OR51B5: variants seen among roughly 807,000 people sequenced by gnomAD.
The protein encoded by OR51B5 is olfactory receptor family 51 subfamily B member 5, also known as olfactory receptor 51B5.
For missense variants in OR51B5, 456 were observed against 374.6 expected, an observed-to-expected ratio of 1.22 and a Z score of -1.79; for synonymous variants, 186 against 144.8, an observed-to-expected ratio of 1.28 and a Z score of -2.04.
chr11:5,346,382 T>C (rs1228405851), upstream of OR51B5: 4 of 151,880 alleles, frequency 2.6e-5, no homozygotes, highest in African/African-American at 9.7e-5. Context: ...AGAGAAGAGA[T>C]AAAAGCTGAG....
intron 1 of OR51B5, among the ~76,000 whole-genome samples, chr11:5,359,901 C>G (rs1000026548): frequency 3.9e-5 from 6 of 152,144 alleles, no homozygotes; most frequent in African/African-American, 1.4e-4. Flanking sequence ...GGAAAGGATT[C>G]CCTATTTAAT....
At chr11:5,387,886 C>G (rs558355350) in intron 1 of OR51B5, among the ~76,000 whole-genome samples, 18 of 151,288 alleles carry the variant, frequency 1.2e-4, no homozygotes, top group African/African-American at 4.3e-4. Flanking sequence ...CATTACATTA[C>G]CTTGCATTGC....
rs573710822 is a variant in OR51B5, at chr11:5,378,222, A to G, written n.85-31312T>C. On this transcript the variant is annotated intron_variant and non_coding_transcript_variant, in intron 1 of 4. Transcript: ENST00000415970. The stretch of plus-strand genomic sequence containing the variant: ...ACAAGAAATGGGGAAAGGATTCCCT[A>G]TTTAATAAATGGTGCTGGGAGAACT... 5.3e-5 allele frequency among the ~76,000 whole-genome samples: 8 copies of G among 152,194 alleles called. No homozygotes were observed. The East Asian group carries it at 9.6e-4, about 18-fold the overall frequency.
chr11:5,498,362 A>G (rs574241364), intron 1 of OR51B5, among the ~76,000 whole-genome samples: 2 of 152,310 alleles, frequency 1.3e-5, no homozygotes, highest in South Asian at 4.1e-4. Flanking sequence ...ATTAGCCAGG[A>G]TGTCCCTAAC....
At chr11:5,428,483 C>T (rs1850482854) in intron 1 of OR51B5, among the ~76,000 whole-genome samples, 1 of 152,162 alleles carries the variant, frequency 6.6e-6, no homozygotes, top group Non-Finnish European at 1.5e-5. Flanking sequence ...TACAAACCTT[C>T]AATTTGTAAA....
chr11:5,354,156 G>T (rs1849149825), intron 1 of OR51B5, among the ~76,000 whole-genome samples: 1 of 149,710 alleles, frequency 6.7e-6, no homozygotes, highest in Non-Finnish European at 1.5e-5. Flanking sequence ...GTGTCTGCTA[G>T]TTCTTCTGTC....
intron 1 of OR51B5, among the ~76,000 whole-genome samples, chr11:5,406,017 G>C (rs767020482): frequency 6.6e-6 from 1 of 152,180 alleles, no homozygotes; most frequent in Non-Finnish European, 1.5e-5. Flanking sequence ...AAACATCTGA[G>C]TAACATTAGA....
At chr11:5,402,619 T>C (rs1356844904) in intron 1 of OR51B5, 2 of 471,166 alleles carry the variant, frequency 4.2e-6, no homozygotes, top group South Asian at 3.1e-5. Context: ...AATAACTCTT[T>C]GGGGTTTTTA....
chr11:5,381,334 A>G (rs2736543), intron 1 of OR51B5, among the ~76,000 whole-genome samples: 61,418 of 151,924 alleles, frequency 0.4, 12,638 homozygotes, highest in South Asian at 0.54. Flanking sequence ...CCTCACACTA[A>G]TGTGTTGATA....
At chr11:5,490,245 G>A (rs1417871524) in intron 1 of OR51B5, among the ~76,000 whole-genome samples, 1 of 152,118 alleles carries the variant, frequency 6.6e-6, no homozygotes, top group Non-Finnish European at 1.5e-5. Flanking sequence ...GAAAAATTAA[G>A]ACAGTGACTA....
chr11:5,461,213 G>A (rs569823517), intron 1 of OR51B5, among the ~76,000 whole-genome samples: 127 of 152,314 alleles, frequency 8.3e-4, no homozygotes, highest in African/African-American at 2.9e-3. Flanking sequence ...TGCACTGCTC[G>A]GGCGATGGTG....
intron 1 of OR51B5, among the ~76,000 whole-genome samples, chr11:5,374,923 A>G (rs1270784991): frequency 1.3e-5 from 2 of 152,032 alleles, no homozygotes; most frequent in East Asian, 3.9e-4. Flanking sequence ...GATATTATCC[A>G]GGAGAACTTC....
intron 1 of OR51B5, among the ~76,000 whole-genome samples, chr11:5,459,912 C>T (rs778214889): frequency 8.5e-5 from 13 of 152,070 alleles, no homozygotes; most frequent in Admixed American, 4.6e-4. Context: ...ATTGTTCTAC[C>T]ATAAAAACAC....
intron 1 of OR51B5, among the ~76,000 whole-genome samples, chr11:5,503,972 C>T (rs1846334842): frequency 6.6e-6 from 1 of 151,924 alleles, no homozygotes. Flanking sequence ...TCATTTGCCT[C>T]AGCTGCCCTC....
intron 1 of OR51B5, among the ~76,000 whole-genome samples, chr11:5,464,412 A>T (rs1470841762): frequency 6.6e-6 from 1 of 151,820 alleles, no homozygotes; most frequent in Non-Finnish European, 1.5e-5. Flanking sequence ...AGCGTTAGGT[A>T]TATCTCCCAA....
At chr11:5,497,017 C>T (rs959975411) in intron 1 of OR51B5, among the ~76,000 whole-genome samples, 2 of 148,624 alleles carry the variant, frequency 1.3e-5, no homozygotes, top group Non-Finnish European at 3.0e-5. Context: ...CAGATCCCAT[C>T]CACAGAAGAT....
chr11:5,379,405 AC>A (rs1849576817), intron 1 of OR51B5, among the ~76,000 whole-genome samples: 1 of 152,100 alleles, frequency 6.6e-6, no homozygotes, highest in Non-Finnish European at 1.5e-5. Flanking sequence ...GCACATGTAT[AC>A]ATATGTAACT....
downstream of OR51B5, chr11:5,342,467 AT>A: frequency 3.2e-6 from 4 of 1,252,532 alleles, no homozygotes; most frequent in Non-Finnish European, 4.3e-6. Flanking sequence ...TTGAAGCTGT[AT>A]TTTAACACCT....
chr11:5,341,240 C>A (rs1021648701), downstream of OR51B5: 3 of 152,140 alleles, frequency 2.0e-5, no homozygotes, highest in Admixed American at 1.3e-4. Flanking sequence ...TAAGCAAGTG[C>A]ATACTGAAGC....
Sources: gnomAD v4.1 joint callset for allele counts (sites outside exome capture counted in the v4.1 genomes callset) on GRCh38, gnomAD v4.1.1 for gene constraint, MANE v1.5 for transcripts, NCBI Gene and HGNC (gene_info 2026-07-23, HGNC 2026-07-21) for gene names.